The following GAB4 variants were observed in gnomAD, a reference collection of about 807,000 sequenced individuals.
GAB4 encodes GRB2 associated binding protein family member 4, also known as GRB2-associated-binding protein 4.
Under a neutral mutation model 51.3 loss-of-function variants are expected in GAB4, and 26 were observed. That is an observed-to-expected ratio of 0.51 (90% confidence interval 0.37 to 0.70). The LOEUF (loss-of-function observed/expected upper bound fraction) is 0.70. Ranked by LOEUF, GAB4 falls within the 30% of genes least tolerant of loss-of-function variation. The pLI is 0.00. For synonymous variants in GAB4, 329 were observed against 291.2 expected (o/e 1.13, Z -1.32); for missense variants, 759 against 734.6 (o/e 1.03, Z -0.38).
chr22:16,989,839 G>T (rs1168494887), intron 2 of GAB4, among the ~76,000 whole-genome samples: 1 of 152,184 alleles, frequency 6.6e-6, no homozygotes, highest in Non-Finnish European at 1.5e-5. Context: ...GCCTCACCCT[G>T]ACTCCGGATA....
intron 6 of GAB4, 129 bp from the exon 7 acceptor site, chr22:16,965,397 G>A (rs911649958): frequency 1.7e-5 from 12 of 698,670 alleles, no homozygotes; most frequent in Non-Finnish European, 3.0e-5. Flanking sequence ...GTGTGCGGGG[G>A]ACTGAGGCTT....
At chr22:16,998,844 C>T (rs1304493581) in intron 1 of GAB4, among the ~76,000 whole-genome samples, 1 of 152,152 alleles carries the variant, frequency 6.6e-6, no homozygotes, top group Non-Finnish European at 1.5e-5. Context: ...GAGTTTTTAG[C>T]ATGAAGGGCT....
chr22:16,988,703 C>T (rs371407049), intron 2 of GAB4, among the ~76,000 whole-genome samples: 6 of 152,338 alleles, frequency 3.9e-5, no homozygotes, highest in African/African-American at 9.6e-5. Context: ...CCAAGCCCAG[C>T]ACACTGTTCA....
At chr22:17,002,250 G>C (rs2061003642) in intron 1 of GAB4, among the ~76,000 whole-genome samples, 1 of 152,120 alleles carries the variant, frequency 6.6e-6, no homozygotes, top group Admixed American at 6.6e-5. Flanking sequence ...CTGTAGACTG[G>C]AGCTGTTCCT....
intron 3 of GAB4, among the ~76,000 whole-genome samples, chr22:16,977,554 A>C (rs1258767832): frequency 1.3e-5 from 2 of 152,192 alleles, no homozygotes; most frequent in Non-Finnish European, 2.9e-5. Context: ...AAAGAGACTT[A>C]GACTCCCACA....
At chr22:16,971,721 C>T (rs2060733588) in intron 3 of GAB4, among the ~76,000 whole-genome samples, 2 of 152,214 alleles carry the variant, frequency 1.3e-5, no homozygotes, top group Admixed American at 1.3e-4. Flanking sequence ...GAGACCAATC[C>T]ATGGAACTGC....
At chr22:16,980,135 G>A (rs1222079845) in intron 3 of GAB4, among the ~76,000 whole-genome samples, 2 of 152,100 alleles carry the variant, frequency 1.3e-5, no homozygotes, top group East Asian at 3.8e-4. Flanking sequence ...AAAAGCAATG[G>A]CAACAAAAGC....
At chr22:17,002,965 C>T (rs1463787353) in intron 1 of GAB4, among the ~76,000 whole-genome samples, 1 of 151,988 alleles carries the variant, frequency 6.6e-6, no homozygotes, top group Non-Finnish European at 1.5e-5. Flanking sequence ...CACATAGGCT[C>T]AAAATAAAGG....
chr22:16,969,884 C>G, intron 4 of GAB4, 59 bp downstream of exon 4: 1 of 1,602,472 alleles, frequency 6.2e-7, no homozygotes, highest in East Asian at 2.2e-5. Flanking sequence ...TATTGTTCAC[C>G]AGGTGGCCCC....
chr22:16,977,856 G>A lies in GAB4; in HGVS notation c.687-7663C>T, dbSNP rs553092223. The stretch of plus-strand genomic sequence containing the variant: ...CTCAGACCACAGTGCAATCAAATTC[G>A]AACTCAGGATTAAGAAACTCACTCA... On this transcript the variant is annotated intron_variant, in intron 3 of 9. Coordinates refer to ENST00000400588, the MANE Select transcript of GAB4 (RefSeq NM_001037814.1). Among the ~76,000 whole-genome samples, 11 of 152,232 alleles carry A rather than the reference G, an allele frequency of 7.2e-5. No homozygotes were observed. In the South Asian group the frequency reaches 1.7e-3, roughly 23 times the overall value.
chr22:16,984,253 T>G (rs1471213340), intron 3 of GAB4, among the ~76,000 whole-genome samples: 1 of 152,160 alleles, frequency 6.6e-6, no homozygotes, highest in African/African-American at 2.4e-5. Context: ...CCACATGAGA[T>G]ATCATCTCCC....
intron 5 of GAB4, among the ~76,000 whole-genome samples, chr22:16,967,746 C>T (rs1429736158): frequency 1.3e-5 from 2 of 152,182 alleles, no homozygotes; most frequent in East Asian, 1.9e-4. Flanking sequence ...AGAAGCCTGA[C>T]GCCAGGCCTT....
At chr22:16,977,135 A>G (rs1231502175) in intron 3 of GAB4, among the ~76,000 whole-genome samples, 1 of 152,262 alleles carries the variant, frequency 6.6e-6, no homozygotes, top group Non-Finnish European at 1.5e-5. Context: ...ATAACCAGCT[A>G]GCATCATAAT....
chr22:16,996,399 G>A (rs2060949344), intron 1 of GAB4, among the ~76,000 whole-genome samples: 1 of 152,088 alleles, frequency 6.6e-6, no homozygotes. Context: ...ATATTATCCA[G>A]GAGAACTTCC....
intron 3 of GAB4, among the ~76,000 whole-genome samples, chr22:16,982,588 C>G (rs1250170347): frequency 6.6e-6 from 1 of 152,148 alleles, no homozygotes; most frequent in Non-Finnish European, 1.5e-5. Context: ...TCCACACCAC[C>G]TAATCTGCAG....
intron 3 of GAB4, among the ~76,000 whole-genome samples, chr22:16,978,306 G>A (rs1286631806): frequency 1.3e-5 from 2 of 152,142 alleles, no homozygotes; most frequent in Non-Finnish European, 2.9e-5. Flanking sequence ...AAGAAGAAAA[G>A]AGAGAAGAAT....
chr22:17,005,028 C>T (rs962527559), intron 1 of GAB4, among the ~76,000 whole-genome samples: 2 of 151,842 alleles, frequency 1.3e-5, no homozygotes, highest in African/African-American at 4.8e-5. Flanking sequence ...AAGAAATAAA[C>T]GGTATTCAAA....
Position 16,969,938 on chromosome 22 carries a change from C to T in GAB4, c.937+5G>A, listed in dbSNP as rs1243894123. 1.2e-6 allele frequency: 2 copies of T among 1,614,036 alleles called. No homozygotes were observed. Among genetic ancestry groups the T allele is most frequent in the Non-Finnish European group, 1.7e-6 (2 of 1,180,030 alleles). ...TGCTTCTGGGTGCCTTGAAGGGGTACACACCCTCATTATCCGCCTCAGAGC... is the reference window on the plus strand; with the variant it reads ...TGCTTCTGGGTGCCTTGAAGGGGTATACACCCTCATTATCCGCCTCAGAGC... On this transcript the variant is annotated splice_donor_5th_base_variant and intron_variant, in intron 4 of 9. Coordinates refer to ENST00000400588, the MANE Select transcript of GAB4 (RefSeq NM_001037814.1).
At chr22:16,971,305 A>G (rs370564407) in intron 3 of GAB4, among the ~76,000 whole-genome samples, 1 of 152,248 alleles carries the variant, frequency 6.6e-6, no homozygotes, top group Non-Finnish European at 1.5e-5. Flanking sequence ...CAGCGCTGCC[A>G]CCGATAAGCT....
Sources: allele counts gnomAD v4.1 joint callset (sites outside exome capture counted in the v4.1 genomes callset), GRCh38; gene constraint gnomAD v4.1.1; transcripts MANE v1.5; gene names NCBI Gene and HGNC (gene_info 2026-07-23, HGNC 2026-07-21).